AFDN: variants seen among roughly 807,000 people sequenced by gnomAD.
AFDN encodes afadin.
A neutral mutation model predicts 216.6 loss-of-function variants in AFDN; 68 were observed. That is an observed-to-expected ratio of 0.31 (90% CI 0.26 to 0.38). The LOEUF is 0.38. Ranked by LOEUF, AFDN falls within the 10% of genes least tolerant of loss-of-function variation. AFDN has a pLI of 1.00. For missense variants in AFDN, 2,136 were observed against 2,342.0 expected (o/e 0.91, Z 1.82); for synonymous variants, 868 against 853.7 (o/e 1.02, Z -0.29).
chr6:167,864,811 G>T, intron 2 of AFDN, 65 bp downstream of exon 2: 1 of 1,496,406 alleles, frequency 6.7e-7, no homozygotes, highest in South Asian at 1.1e-5. Context: ...AGCTTGTCCA[G>T]GGTCATTGTG....
intron 23 of AFDN, among the ~76,000 whole-genome samples, chr6:167,927,403 A>G (rs1792699320): frequency 6.6e-6 from 1 of 152,182 alleles, no homozygotes; most frequent in East Asian, 1.9e-4. Context: ...GGCAGTGCTT[A>G]ATTAGTTTTA....
intron 4 of AFDN, 36 bp downstream of exon 4, chr6:167,872,413 G>A: frequency 6.3e-7 from 1 of 1,575,364 alleles, no homozygotes; most frequent in East Asian, 2.2e-5. Flanking sequence ...CTTTCTTTGT[G>A]CTCCAAATCA....
chr6:167,876,694 C>T (rs1489321530), intron 5 of AFDN, among the ~76,000 whole-genome samples: 8 of 151,906 alleles, frequency 5.3e-5, no homozygotes, highest in Admixed American at 5.2e-4. Context: ...CTTAGAGTAT[C>T]AATTTTTATA....
intron 19 of AFDN, among the ~76,000 whole-genome samples, chr6:167,915,939 A>C (rs1284476097): frequency 6.6e-6 from 1 of 152,242 alleles, no homozygotes; most frequent in Non-Finnish European, 1.5e-5. Flanking sequence ...CAAAATTGGA[A>C]AAACTCCAAA....
chr6:167,937,978 T>C (rs1216191540), intron 23 of AFDN, among the ~76,000 whole-genome samples: 1 of 152,204 alleles, frequency 6.6e-6, no homozygotes, highest in Non-Finnish European at 1.5e-5. Context: ...CTGGAAGGGA[T>C]AGAGCTCCTT....
chr6:167,954,733 G>C (rs1001101117), intron 30 of AFDN, among the ~76,000 whole-genome samples: 1 of 152,030 alleles, frequency 6.6e-6, no homozygotes, highest in Non-Finnish European at 1.5e-5. Flanking sequence ...CCTTTTCTCG[G>C]TTTCAGTCAT....
Position 167,943,116 on chromosome 6 carries a change from G to T in AFDN, c.3100-13G>T, listed in dbSNP as rs745653245. The T allele has an allele frequency of 1.4e-4, 229 of 1,611,820 alleles. No individual in the cohort carries two copies. Among genetic ancestry groups the T allele is most frequent in the Non-Finnish European group, 1.8e-4 (216 of 1,179,048 alleles). ...ATCTTCAATGCAGTGTTTTCGCCTTGTTTTTGCAATAGGGTGCTGGTCAAG... is the reference window on the plus strand; with the variant it reads ...ATCTTCAATGCAGTGTTTTCGCCTTTTTTTTGCAATAGGGTGCTGGTCAAG... On this transcript the variant is annotated splice_polypyrimidine_tract_variant and intron_variant, in intron 23 of 33. Transcript: ENST00000683244.
In AFDN at chr6:167,952,129, A is replaced by C; in HGVS notation, c.4775A>C (p.Asp1592Ala). ...GACGAAGATGACGAGGAGGAGGAGG[A>C]CGATGATGTGGACACCATGCTGATC... ...QKDEDDEEEE[D>A]DDVDTMLIMQ... is the part of the protein sequence containing the mutation. Residue 1592 changes from aspartate to alanine, a missense_variant, in exon 30 of 34, where the codon GAC becomes GCC. Physicochemically the swap from Asp to Ala is moderately radical, Grantham distance 126 (BLOSUM62 -2). Around this residue, in one of 8 missense-constraint regions of AFDN, gnomAD observed 981 missense variants for 966.0 expected, o/e 1.02. Coordinates refer to ENST00000683244, the MANE Select transcript of AFDN (RefSeq NM_001386888.1). 6.2e-7 allele frequency: 1 copy of C among 1,614,132 alleles called. No homozygotes were observed. The highest frequency in any genetic ancestry group is 8.5e-7 in the Non-Finnish European group (1 of 1,180,012).
intron 1 of AFDN, among the ~76,000 whole-genome samples, chr6:167,855,031 T>C (rs921357199): frequency 1.3e-5 from 2 of 152,008 alleles, no homozygotes; most frequent in Non-Finnish European, 2.9e-5. Context: ...AGAGAAATTC[T>C]GTTTTGAAAA....
At chr6:167,854,271 A>G (rs1412815187) in intron 1 of AFDN, among the ~76,000 whole-genome samples, 1 of 151,678 alleles carries the variant, frequency 6.6e-6, no homozygotes, top group Non-Finnish European at 1.5e-5. Flanking sequence ...TTGGGTGCCC[A>G]TTTTTCTATT....
intron 8 of AFDN, among the ~76,000 whole-genome samples, chr6:167,891,879 G>A (rs1038038246): frequency 5.3e-5 from 8 of 152,132 alleles, no homozygotes; most frequent in African/African-American, 1.9e-4. Context: ...AAGAAAGCCC[G>A]AGTAGTAATC....
At chr6:167,895,500 G>C (rs1788126271) in intron 9 of AFDN, among the ~76,000 whole-genome samples, 1 of 152,118 alleles carries the variant, frequency 6.6e-6, no homozygotes, top group Non-Finnish European at 1.5e-5. Context: ...ATGGGTGTTA[G>C]GCATTAGTGT....
chr6:167,899,071 C>T (rs1243301133), intron 11 of AFDN, among the ~76,000 whole-genome samples: 3 of 152,052 alleles, frequency 2.0e-5, no homozygotes, highest in Non-Finnish European at 4.4e-5. Context: ...GAAAACTCCC[C>T]TAGATTGTAG....
At chr6:167,959,969 C>T (rs1796882930) in intron 30 of AFDN, among the ~76,000 whole-genome samples, 1 of 152,174 alleles carries the variant, frequency 6.6e-6, no homozygotes, top group South Asian at 2.1e-4. Flanking sequence ...AATCAAAGTG[C>T]TAATCTAATA....
chr6:167,954,570 G>C, intron 30 of AFDN: 1 of 1,324,928 alleles, frequency 7.5e-7, no homozygotes, highest in South Asian at 1.3e-5. Flanking sequence ...GCTGTTTGAT[G>C]TTTTCAGTAG....
In AFDN at chr6:167,969,996, G is replaced by A; in HGVS notation, c.*61G>A. On this transcript the variant is annotated 3_prime_UTR_variant, in exon 34 of 34. Transcript: ENST00000683244. ...AATCTTTTCAGTTGTGGGTTTGTAG[G>A]TGCGAGTTTGAAGAGGAAAAGAGGA... 1 of 1,413,230 alleles carries A rather than the reference G, an allele frequency of 7.1e-7. No homozygotes were observed. The highest frequency in any genetic ancestry group is 9.6e-7 in the Non-Finnish European group (1 of 1,045,642). The allele number at this position is 1,413,230 out of a possible 1,614,324, so 87.5% of individuals were successfully genotyped here. A position where few individuals can be genotyped will look rare whatever the true frequency, so the allele number is the denominator to read the frequency against.
intron 1 of AFDN, among the ~76,000 whole-genome samples, chr6:167,844,214 G>A (rs1781387594): frequency 6.9e-6 from 1 of 144,564 alleles, no homozygotes; most frequent in African/African-American, 2.5e-5. Flanking sequence ...GTGTGTGTGT[G>A]TGTGTTTTGA....
chr6:167,946,704 C>T lies in AFDN; in HGVS notation c.3359-3C>T, dbSNP rs751866671. On this transcript the variant is annotated splice_polypyrimidine_tract_variant and splice_region_variant and intron_variant, in intron 26 of 33. Transcript: ENST00000683244. The stretch of plus-strand genomic sequence containing the variant: ...AGAGATACTGAATATGCTTTGATTC[C>T]AGTTTCAGATCGTCGTGGCTCAGGT... The T allele has an allele frequency of 6.2e-7, 1 of 1,612,732 alleles. No individual in the cohort carries two copies. The highest frequency in any genetic ancestry group is 8.5e-7 in the Non-Finnish European group (1 of 1,179,334).
At position 167,915,293 on chromosome 6, in the gene AFDN, T is replaced by C. The variant is rs1331360489; in HGVS notation, c.2425T>C (p.Leu809=). The C allele has an allele frequency of 6.2e-7, 1 of 1,614,248 alleles. No homozygotes were observed. The highest frequency in any genetic ancestry group is 8.5e-7 in the Non-Finnish European group (1 of 1,180,040). The change falls in exon 19 of 34, where the codon TTG becomes CTG. Residue 809 remains leucine, a synonymous_variant. Transcript: ENST00000683244. ...CATCAATATGTGGCTGTTCAATAGA[T>C]TGGTGACCGACCCAGATTCGGGGCT... ...HFINMWLFNR[L]VTDPDSGLCS... is the part of the protein sequence containing the mutation.
Sources: gnomAD v4.1 joint callset for allele counts (sites outside exome capture counted in the v4.1 genomes callset) on GRCh38, gnomAD v4.1.1 for gene constraint, gnomAD v4.1.1 regional missense constraint, MANE v1.5 for transcripts, NCBI Gene and HGNC (gene_info 2026-07-23, HGNC 2026-07-21) for gene names.